Variants in RBFOX1 observed in about 807,000 individuals in gnomAD.
RBFOX1 encodes RNA binding fox-1 homolog 1, also known as RNA binding protein fox-1 homolog 1.
In RBFOX1, 8 loss-of-function variants were observed where a neutral mutation model predicts 57.7. The observed-to-expected ratio is 0.14, with a 90% CI of 0.08 to 0.25. The LOEUF is 0.25. RBFOX1 is among the 10% of genes least tolerant of loss of function. The pLI, the probability that RBFOX1 is intolerant of heterozygous loss-of-function variation, is 1.00. For missense variants in RBFOX1, 611 were observed against 548.5 expected (o/e 1.11, Z -1.14); for synonymous variants, 326 against 222.4 (o/e 1.47, Z -4.15).
chr16:6,154,461 G>T (rs956186711), intron 1 of RBFOX1, among the ~76,000 whole-genome samples: 3 of 152,224 alleles, frequency 2.0e-5, no homozygotes, highest in African/African-American at 7.2e-5. Context: ...AATAAGCCAG[G>T]TAGTGAATCT....
intron 2 of RBFOX1, among the ~76,000 whole-genome samples, chr16:5,536,461 C>T (rs4072293): frequency 0.3 from 45,056 of 151,876 alleles, 8,260 homozygotes; most frequent in East Asian, 0.86. Flanking sequence ...ATCTTGAACT[C>T]CTGACCTCAG....
chr16:5,473,846 A>G (rs2151627258), intron 2 of RBFOX1, among the ~76,000 whole-genome samples: 1 of 141,324 alleles, frequency 7.1e-6, no homozygotes, highest in Admixed American at 7.4e-5. Context: ...GGGTGGATAG[A>G]TGGATGGAAG....
At chr16:7,055,038 A>T (rs767197610) in intron 4 of RBFOX1, among the ~76,000 whole-genome samples, 27 of 152,174 alleles carry the variant, frequency 1.8e-4, no homozygotes, top group Admixed American at 7.2e-4. Context: ...AATTTTTCCA[A>T]AACAGACACT....
chr16:7,607,738 G>A (rs1175288348), intron 10 of RBFOX1, among the ~76,000 whole-genome samples: 1 of 152,208 alleles, frequency 6.6e-6, no homozygotes, highest in Admixed American at 6.5e-5. Context: ...GCAAAGCAGA[G>A]AGTCGAGTTG....
intron 2 of RBFOX1, among the ~76,000 whole-genome samples, chr16:6,602,257 C>T (rs1464441797): frequency 1.3e-5 from 2 of 151,948 alleles, no homozygotes; most frequent in African/African-American, 2.4e-5. Flanking sequence ...ATATTCTCTC[C>T]CATTCAGTGG....
intron 2 of RBFOX1, among the ~76,000 whole-genome samples, chr16:6,367,453 C>G (rs182393814): frequency 1.3e-3 from 195 of 152,032 alleles, no homozygotes; most frequent in African/African-American, 4.1e-3. Flanking sequence ...TGCATTTTTA[C>G]TAGAGACAGG....
chr16:5,814,520 G>C lies in RBFOX1; in HGVS notation c.319-52783G>C, dbSNP rs1450520145. On this transcript the variant is annotated intron_variant, in intron 3 of 19. Transcript: ENST00000641259. ...GAATTCCATCAATGCCCAATTCACA[G>C]ATGAGGAAATTCAGGCTCAGAGGCC... Among the ~76,000 whole-genome samples the C allele has an allele frequency of 5.3e-5, 8 of 152,300 alleles. No homozygotes were observed. The East Asian group carries it at 1.5e-3, about 29-fold the overall frequency.
At chr16:6,530,208 C>T (rs1018998209) in intron 2 of RBFOX1, among the ~76,000 whole-genome samples, 3 of 152,002 alleles carry the variant, frequency 2.0e-5, no homozygotes, top group Non-Finnish European at 2.9e-5. Context: ...TTTCTTCTTC[C>T]GGCCCTCTAG....
At chr16:5,365,479 C>T (rs1427709856) in intron 1 of RBFOX1, among the ~76,000 whole-genome samples, 1 of 152,026 alleles carries the variant, frequency 6.6e-6, no homozygotes, top group Non-Finnish European at 1.5e-5. Context: ...ACCAGCCTGG[C>T]CAACCTGGTG....
At chr16:6,479,150 C>G (rs1233848830) in intron 2 of RBFOX1, among the ~76,000 whole-genome samples, 2 of 152,136 alleles carry the variant, frequency 1.3e-5, no homozygotes, top group Non-Finnish European at 2.9e-5. Flanking sequence ...CTGTATTAGT[C>G]CGTTCTAACA....
chr16:6,861,947 T>C (rs978928629), intron 3 of RBFOX1, among the ~76,000 whole-genome samples: 4 of 148,010 alleles, frequency 2.7e-5, no homozygotes, highest in African/African-American at 7.5e-5. Flanking sequence ...CAAACAGAAC[T>C]GGTTTGGAAT....
intron 2 of RBFOX1, among the ~76,000 whole-genome samples, chr16:6,523,748 G>C (rs1157894146): frequency 6.6e-6 from 1 of 152,084 alleles, no homozygotes; most frequent in East Asian, 1.9e-4. Context: ...CCCATTGGTT[G>C]ACTATAAAAA....
chr16:5,485,302 C>T (rs1016306012), intron 2 of RBFOX1, among the ~76,000 whole-genome samples: 16 of 139,350 alleles, frequency 1.1e-4, no homozygotes, highest in South Asian at 4.7e-4. Context: ...GCCGAGATTG[C>T]GCCACTGCAC....
intron 3 of RBFOX1, among the ~76,000 whole-genome samples, chr16:6,947,456 G>A (rs748634046): frequency 3.3e-5 from 5 of 152,166 alleles, no homozygotes; most frequent in Non-Finnish European, 5.9e-5. Context: ...TATTTCATCC[G>A]GCTGAGAACA....
chr16:6,625,007 A>C (rs958100299), intron 2 of RBFOX1, among the ~76,000 whole-genome samples: 1 of 152,000 alleles, frequency 6.6e-6, no homozygotes. Context: ...TCTACTAAAA[A>C]TACAAAAATT....
intron 2 of RBFOX1, among the ~76,000 whole-genome samples, chr16:6,497,832 C>T (rs908768210): frequency 1.3e-5 from 2 of 152,106 alleles, no homozygotes; most frequent in African/African-American, 4.8e-5. Flanking sequence ...GTAGGTATTA[C>T]AGGCGTGAGT....
At chr16:7,062,572 C>T (rs1411678446) in intron 4 of RBFOX1, among the ~76,000 whole-genome samples, 3 of 152,070 alleles carry the variant, frequency 2.0e-5, no homozygotes, top group African/African-American at 4.8e-5. Context: ...TCCTCTTTCA[C>T]GTGTGCAGTC....
intron 2 of RBFOX1, among the ~76,000 whole-genome samples, chr16:6,466,831 C>T (rs1166972110): frequency 6.6e-6 from 1 of 152,062 alleles, no homozygotes; most frequent in Non-Finnish European, 1.5e-5. Context: ...AAATGAAATC[C>T]TCTCATTGAT....
Position 6,837,650 on chromosome 16 carries a change from A to C in RBFOX1, c.-16+183000A>C, listed in dbSNP as rs550438627. 2.0e-5 allele frequency among the ~76,000 whole-genome samples: 3 copies of C among 152,346 alleles called. No homozygotes were observed. In the East Asian group the frequency reaches 5.8e-4, roughly 29 times the overall value. On this transcript the variant is annotated intron_variant, in intron 3 of 15. Coordinates refer to ENST00000550418, the MANE Select transcript of RBFOX1 (RefSeq NM_018723.4). ...CAATCTCTCTAAGCCTCACTCCCTC[A>C]TTGAAAATTGAGGATAATAATAGTT...
Sources: allele counts gnomAD v4.1 joint callset (sites outside exome capture counted in the v4.1 genomes callset), GRCh38; gene constraint gnomAD v4.1.1; transcripts MANE v1.5; gene names NCBI Gene and HGNC (gene_info 2026-07-23, HGNC 2026-07-21).